INPP5A: variants seen among roughly 807,000 people sequenced by gnomAD.
INPP5A encodes the protein 43 kDa inositol polyphosphate 5-phophatase.
INPP5A carries 14 observed loss-of-function variants against 65.2 expected under a neutral mutation model. The observed-to-expected ratio is 0.21, with a 90% CI of 0.14 to 0.34. The LOEUF is 0.34. Among genes scored for constraint, INPP5A ranks in the 10% least tolerant of loss-of-function variants. INPP5A has a pLI of 1.00. For synonymous variants in INPP5A, 207 were observed against 208.3 expected (o/e 0.99, Z 0.05); for missense variants, 431 against 545.6 (o/e 0.79, Z 2.09).
At chr10:132,662,379 T>TC (rs1469397336) in intron 4 of INPP5A, among the ~76,000 whole-genome samples, 1 of 152,114 alleles carries the variant, frequency 6.6e-6, no homozygotes, top group African/African-American at 2.4e-5. Flanking sequence ...CCAAAACCTG[T>TC]CAACAGCCCA....
At chr10:132,602,732 G>C (rs1233155124) in intron 1 of INPP5A, among the ~76,000 whole-genome samples, 1 of 152,160 alleles carries the variant, frequency 6.6e-6, no homozygotes, top group African/African-American at 2.4e-5. Context: ...AATTGCCCAG[G>C]CTGGGCCTAC....
rs1165355511 is a variant in INPP5A at position 132,697,043 on chromosome 10, C to T, written c.371-773C>T. On this transcript the variant is annotated intron_variant, in intron 5 of 15. Transcript: ENST00000368594. The surrounding 1 kb of genome is among the most constrained non-coding windows in gnomAD (Gnocchi z 5.6). ...ACACAACACACTGCTCCAAAGCGGT[C>T]TCCAGGAACCTCGTTGACACCCAGG... is the stretch of plus-strand genomic sequence containing the variant. Among the ~76,000 whole-genome samples the T allele has an allele frequency of 6.6e-6, 1 of 152,242 alleles. No individual in the cohort carries two copies. Among genetic ancestry groups the T allele is most frequent in the Non-Finnish European group, 1.5e-5 (1 of 68,048 alleles).
intron 3 of INPP5A, among the ~76,000 whole-genome samples, chr10:132,647,059 A>C (rs185417828): frequency 1.1e-3 from 166 of 152,092 alleles, no homozygotes; most frequent in African/African-American, 3.7e-3. Flanking sequence ...TTCAGCTGCT[A>C]AAAAAAACTG....
Position 132,604,269 on chromosome 10 carries a change from G to A in INPP5A, c.76-3646G>A, listed in dbSNP as rs531673772. On this transcript the variant is annotated intron_variant, in intron 1 of 15. Transcript: ENST00000368594. ...TCCCCTCTCCATCCTGCCCTGTGCC[G>A]TCAGGGTCCCCTCTCCATCCTGCCC... 1.2e-4 allele frequency among the ~76,000 whole-genome samples: 18 copies of A among 146,772 alleles called. No homozygotes were observed. In the East Asian group the frequency reaches 2.4e-3, roughly 20 times the overall value.
intron 1 of INPP5A, among the ~76,000 whole-genome samples, chr10:132,588,312 C>A (rs1011576115): frequency 3.9e-5 from 6 of 152,222 alleles, no homozygotes; most frequent in African/African-American, 1.4e-4. Context: ...TGAGAGAAAA[C>A]TGAATTTCGA....
rs57108092 is a variant in INPP5A, at chr10:132,648,315, C to T, written c.219-2103C>T. Among the ~76,000 whole-genome samples the T allele has an allele frequency of 4.9e-3, 749 of 152,398 alleles. 5 individuals are homozygous for T. Among genetic ancestry groups the T allele is most frequent in the African/African-American group, 0.016 (668 of 41,598 alleles). On this transcript the variant is annotated intron_variant, in intron 3 of 15. Transcript: ENST00000368594. ...GCTTCACAGTGGAGTGTGGCCCCCA[C>T]GGCCTTGTGCCCCCGCGATGCCGTG...
At chr10:132,657,827 C>T (rs1426656794) in intron 4 of INPP5A, among the ~76,000 whole-genome samples, 4 of 152,242 alleles carry the variant, frequency 2.6e-5, no homozygotes, top group African/African-American at 9.6e-5. Context: ...CTCGCTGCCT[C>T]CTCACCTGCC....
Position 132,609,738 on chromosome 10 carries a change from G to A in INPP5A, c.117+1782G>A, listed in dbSNP as rs182599722. On this transcript the variant is annotated intron_variant, in intron 2 of 15. Transcript: ENST00000368594. Reference sequence around the variant, plus strand: ...CGGCTCACTGCAAGCTCCACCTCCCGGGTTCACGCCATTCTCCTGCCTCAG... The same window carrying A: ...CGGCTCACTGCAAGCTCCACCTCCCAGGTTCACGCCATTCTCCTGCCTCAG... Among the ~76,000 whole-genome samples the A allele has an allele frequency of 7.9e-5, 12 of 152,168 alleles. No individual in the cohort carries two copies. In the East Asian group the frequency reaches 1.6e-3, roughly 20 times the overall value.
intron 1 of INPP5A, among the ~76,000 whole-genome samples, chr10:132,544,351 G>A (rs1006567861): frequency 1.1e-4 from 16 of 152,230 alleles, no homozygotes; most frequent in Admixed American, 6.5e-4. Context: ...CCTGTGTGCC[G>A]GGCACAGAGG....
chr10:132,604,384 C>T (rs1004191023), intron 1 of INPP5A, among the ~76,000 whole-genome samples: 5 of 152,184 alleles, frequency 3.3e-5, no homozygotes, highest in Non-Finnish European at 5.9e-5. Context: ...CCCTCTCTGA[C>T]GCTTGCCCTG....
intron 4 of INPP5A, among the ~76,000 whole-genome samples, chr10:132,653,350 T>C (rs2072605741): frequency 6.6e-6 from 1 of 152,080 alleles, no homozygotes; most frequent in Admixed American, 6.6e-5. Flanking sequence ...GCTTTCAGGG[T>C]TTTCCAGGTG....
chr10:132,669,534 G>C (rs1296774417), intron 4 of INPP5A, among the ~76,000 whole-genome samples: 3 of 152,322 alleles, frequency 2.0e-5, no homozygotes, highest in African/African-American at 7.2e-5. Flanking sequence ...GAGGCCCCGT[G>C]TTCTCCTGGG....
At chr10:132,715,945 GCCGTT>G (rs1312927336) in intron 8 of INPP5A, among the ~76,000 whole-genome samples, 2 of 152,210 alleles carry the variant, frequency 1.3e-5, no homozygotes, top group Non-Finnish European at 2.9e-5. Context: ...CGTGCCCTCT[GCCGTT>G]CCGCTGCCGT....
chr10:132,710,020 G>A (rs1236997540), intron 7 of INPP5A, among the ~76,000 whole-genome samples: 2 of 152,270 alleles, frequency 1.3e-5, no homozygotes, highest in Non-Finnish European at 2.9e-5. Flanking sequence ...AGGCTGAGGG[G>A]TGGCCCTTCC....
rs955925633 is a variant in INPP5A, at chr10:132,678,156, T to C, written c.307-12236T>C. 3.3e-5 allele frequency among the ~76,000 whole-genome samples: 5 copies of C among 152,110 alleles called. No homozygotes were observed. Among genetic ancestry groups the C allele is most frequent in the African/African-American group, 1.2e-4 (5 of 41,414 alleles). ...AAATAAGTCAGCTGTCATTTTGTGG[T>C]GGTCACGGAGCTCCTCTGAGAGCGG... On this transcript the variant is annotated intron_variant, in intron 4 of 15. Coordinates refer to ENST00000368594, the MANE Select transcript of INPP5A (RefSeq NM_005539.5). This position sits in a 1 kb window ranked among gnomAD's most constrained non-coding sequence, Gnocchi z 4.1.
At chr10:132,724,742 C>T (rs1446366599) in intron 8 of INPP5A, among the ~76,000 whole-genome samples, 1 of 149,834 alleles carries the variant, frequency 6.7e-6, no homozygotes, top group African/African-American at 2.5e-5. Context: ...CAGGGAGGCC[C>T]CAGGATGACA....
intron 1 of INPP5A, among the ~76,000 whole-genome samples, chr10:132,601,310 A>G (rs2133330923): frequency 6.6e-6 from 1 of 152,312 alleles, no homozygotes; most frequent in Non-Finnish European, 1.5e-5. Context: ...TTCTTTAGAA[A>G]ACTGTTTAAG....
At position 132,676,645 on chromosome 10, in the gene INPP5A, CT is replaced by C. The variant is rs2133446827; in HGVS notation, c.307-13746del. On this transcript the variant is annotated intron_variant, in intron 4 of 15. Coordinates refer to ENST00000368594, the MANE Select transcript of INPP5A (RefSeq NM_005539.5). This position sits in a 1 kb window ranked among gnomAD's most constrained non-coding sequence, Gnocchi z 4.0. ...GGCCAGTGCTCCGCTCCCTGCGCCCCTGATGAGATGGCAGCCCTGGGCACCT... is the reference window on the plus strand; with the variant it reads ...GGCCAGTGCTCCGCTCCCTGCGCCCCGATGAGATGGCAGCCCTGGGCACCT... Among the ~76,000 whole-genome samples the C allele has an allele frequency of 6.6e-6, 1 of 152,306 alleles. No individual in the cohort carries two copies. Among genetic ancestry groups the C allele is most frequent in the African/African-American group, 2.4e-5 (1 of 41,566 alleles).
chr10:132,755,654 G>T (rs1405633479), intron 11 of INPP5A, among the ~76,000 whole-genome samples: 2 of 151,762 alleles, frequency 1.3e-5, no homozygotes, highest in Non-Finnish European at 2.9e-5. Context: ...GCATGCATGA[G>T]CGTGAGCAGG....
Sources: gnomAD v4.1 joint callset for allele counts (sites outside exome capture counted in the v4.1 genomes callset) on GRCh38, gnomAD v4.1.1 for gene constraint, Gnocchi (gnomAD v3.1) non-coding constraint, MANE v1.5 for transcripts, NCBI Gene and HGNC (gene_info 2026-07-23, HGNC 2026-07-21) for gene names.